MACROD2: variants seen among roughly 807,000 people sequenced by gnomAD.
The protein encoded by MACROD2 is ADP-ribose glycohydrolase MACROD2.
MACROD2 carries 36 observed loss-of-function variants against 70.4 expected under a neutral mutation model. That is an observed-to-expected ratio of 0.51 (90% confidence interval 0.39 to 0.68). MACROD2 has a LOEUF of 0.68. MACROD2 is among the 30% of genes least tolerant of loss of function. The pLI is 0.00. For synonymous variants in MACROD2, 172 were observed against 178.8 expected, an observed-to-expected ratio of 0.96 and a Z score of 0.30; for missense variants, 496 against 538.4, an observed-to-expected ratio of 0.92 and a Z score of 0.78.
chr20:15,364,037 G>A (rs1296761920), intron 6 of MACROD2, among the ~76,000 whole-genome samples: 1 of 152,096 alleles, frequency 6.6e-6, no homozygotes, highest in African/African-American at 2.4e-5. Flanking sequence ...AATTATAATA[G>A]ATACATTTAG....
intron 8 of MACROD2, among the ~76,000 whole-genome samples, chr20:15,732,260 G>T (rs2050955589): frequency 6.6e-6 from 1 of 152,010 alleles, no homozygotes. Flanking sequence ...ACCCAAATAT[G>T]CATCCTGTCC....
chr20:14,952,420 A>C (rs115538287), intron 5 of MACROD2, among the ~76,000 whole-genome samples: 4,907 of 152,260 alleles, frequency 0.032, 274 homozygotes, highest in African/African-American at 0.11. Flanking sequence ...GAGGTCTTGA[A>C]TATTATATTT....
rs185581485 is a variant in MACROD2, at chr20:14,789,397, A to G, written c.418+104438A>G. Among the ~76,000 whole-genome samples the G allele has an allele frequency of 2.6e-5, 4 of 151,030 alleles. 1 individual carries two copies. The highest frequency in any genetic ancestry group is 9.7e-5 in the African/African-American group (4 of 41,202). On this transcript the variant is annotated intron_variant, in intron 5 of 17. Coordinates refer to ENST00000684519, the MANE Select transcript of MACROD2 (RefSeq NM_001351661.2). Reference sequence around the variant, plus strand: ...ATCCAGGGCAGCCATCCAAGAGGCCAAAAACGTAACGCCTGGAAAAAATAA... The same window carrying G: ...ATCCAGGGCAGCCATCCAAGAGGCCGAAAACGTAACGCCTGGAAAAAATAA...
chr20:14,963,948 T>C (rs2074607573), intron 5 of MACROD2, among the ~76,000 whole-genome samples: 1 of 152,174 alleles, frequency 6.6e-6, no homozygotes. Flanking sequence ...TTTACAGCAA[T>C]AAATTACAGT....
intron 5 of MACROD2, among the ~76,000 whole-genome samples, chr20:14,918,873 C>T (rs1412945058): frequency 6.6e-6 from 1 of 152,094 alleles, no homozygotes; most frequent in Non-Finnish European, 1.5e-5. Context: ...AAACAATCAG[C>T]TGTATGTATG....
At chr20:15,243,222 G>T (rs1310216087) in intron 6 of MACROD2, among the ~76,000 whole-genome samples, 1 of 152,180 alleles carries the variant, frequency 6.6e-6, no homozygotes, top group Non-Finnish European at 1.5e-5. Flanking sequence ...CACAGAGTCT[G>T]GGTGGTGCAT....
At chr20:14,745,037 A>G (rs2071781979) in intron 5 of MACROD2, among the ~76,000 whole-genome samples, 1 of 152,162 alleles carries the variant, frequency 6.6e-6, no homozygotes, top group South Asian at 2.1e-4. Context: ...TCCTCCAGCA[A>G]TCATAAGGAG....
chr20:14,141,034 T>G (rs1484245876), intron 3 of MACROD2, among the ~76,000 whole-genome samples: 1 of 152,196 alleles, frequency 6.6e-6, no homozygotes, highest in Non-Finnish European at 1.5e-5. Flanking sequence ...TGTTCCCTAA[T>G]TTACTGTAGC....
chr20:15,932,242 G>A (rs1388636691), intron 10 of MACROD2, among the ~76,000 whole-genome samples: 2 of 152,116 alleles, frequency 1.3e-5, no homozygotes, highest in African/African-American at 4.8e-5. Context: ...CATTTGGCAG[G>A]CCAGCTTCAA....
chr20:14,595,704 G>T (rs1303449322), intron 4 of MACROD2, among the ~76,000 whole-genome samples: 3 of 152,220 alleles, frequency 2.0e-5, no homozygotes, highest in East Asian at 1.9e-4. Flanking sequence ...CAAATGTTAC[G>T]CACTTTTGAA....
At chr20:14,405,702 T>C (rs2083684242) in intron 3 of MACROD2, among the ~76,000 whole-genome samples, 1 of 152,218 alleles carries the variant, frequency 6.6e-6, no homozygotes, top group South Asian at 2.1e-4. Context: ...GGTTTTTTGC[T>C]TGCTTACAAA....
chr20:14,178,731 T>G (rs1260100337), intron 3 of MACROD2, among the ~76,000 whole-genome samples: 1 of 148,352 alleles, frequency 6.7e-6, no homozygotes, highest in Non-Finnish European at 1.5e-5. Flanking sequence ...GTCAGCTTTT[T>G]TTTTTTTTTT....
chr20:14,274,443 CAACCCTTCATGCT>C (rs2082230317), intron 3 of MACROD2, among the ~76,000 whole-genome samples: 1 of 152,148 alleles, frequency 6.6e-6, no homozygotes, highest in Admixed American at 6.5e-5. Context: ...CAAAATTCAA[CAACCCTTCATGCT>C]AAAAACTCTC....
chr20:14,143,686 C>T (rs2054906536), intron 3 of MACROD2, among the ~76,000 whole-genome samples: 1 of 152,122 alleles, frequency 6.6e-6, no homozygotes, highest in Non-Finnish European at 1.5e-5. Context: ...AAAGTTTCTG[C>T]TCAGGCCATT....
At chr20:15,477,485 G>A (rs772234912) in intron 7 of MACROD2, among the ~76,000 whole-genome samples, 5 of 151,774 alleles carry the variant, frequency 3.3e-5, no homozygotes, top group African/African-American at 1.2e-4. Flanking sequence ...AAAATTTGAC[G>A]GGTATGTGCG....
chr20:14,542,508 T>C (rs1373328346), intron 4 of MACROD2, among the ~76,000 whole-genome samples: 3 of 152,208 alleles, frequency 2.0e-5, no homozygotes, highest in Non-Finnish European at 4.4e-5. Flanking sequence ...CACATATTTA[T>C]CAAAATTCAA....
chr20:14,584,617 T>G (rs1336083283), intron 4 of MACROD2, among the ~76,000 whole-genome samples: 3 of 152,118 alleles, frequency 2.0e-5, no homozygotes, highest in Non-Finnish European at 4.4e-5. Flanking sequence ...AGGCCCCACT[T>G]CCAAATACCA....
intron 7 of MACROD2, among the ~76,000 whole-genome samples, chr20:15,459,352 A>C (rs2046777018): frequency 6.6e-6 from 1 of 152,026 alleles, no homozygotes; most frequent in Admixed American, 6.6e-5. Context: ...ATTTGGTGTT[A>C]GGATGTAATT....
rs533761518 is a variant in MACROD2, at chr20:14,582,197, G to A, written c.301+88689G>A. On this transcript the variant is annotated intron_variant, in intron 4 of 17. Coordinates refer to ENST00000684519, the MANE Select transcript of MACROD2 (RefSeq NM_001351661.2). ...TCATACAAGCTAAGACAGTATGAAA[G>A]AGAAAAATCATCATAGGCATGTTTT... Among the ~76,000 whole-genome samples, 257 of 152,230 alleles carry A rather than the reference G, an allele frequency of 1.7e-3. 1 individual carries two copies. The highest frequency in any genetic ancestry group is 0.014 in the Middle Eastern group (4 of 294).
Sources: gnomAD v4.1 joint callset for allele counts (sites outside exome capture counted in the v4.1 genomes callset) on GRCh38, gnomAD v4.1.1 for gene constraint, MANE v1.5 for transcripts, NCBI Gene and HGNC (gene_info 2026-07-23, HGNC 2026-07-21) for gene names.